The following RFTN1 variants were observed in gnomAD, a reference collection of about 807,000 sequenced individuals.
The protein encoded by RFTN1 is raftlin.
A neutral mutation model predicts 46.5 loss-of-function variants in RFTN1; 26 were observed. The ratio of observed to expected loss-of-function variants is 0.56; its 90% confidence interval spans 0.41 to 0.78. The LOEUF (loss-of-function observed/expected upper bound fraction) is 0.78. RFTN1 is among the 30% of genes least tolerant of loss of function. The probability of loss-of-function intolerance (pLI) is 0.00; values close to 1 mark genes in which losing one functional copy is unlikely to be tolerated. For missense variants in RFTN1, 693 were observed against 718.7 expected, an observed-to-expected ratio of 0.96 and a Z score of 0.41; for synonymous variants, 261 against 284.2, an observed-to-expected ratio of 0.92 and a Z score of 0.82.
chr3:16,462,876 C>T (rs1291035983), intron 2 of RFTN1, among the ~76,000 whole-genome samples: 1 of 152,092 alleles, frequency 6.6e-6, no homozygotes, highest in Non-Finnish European at 1.5e-5. Context: ...GATAAAGGTG[C>T]CTAAAAAACG....
chr3:16,378,216 G>A (rs1416903915), intron 4 of RFTN1, 114 bp from the exon 5 acceptor site: 9 of 837,280 alleles, frequency 1.1e-5, no homozygotes, highest in African/African-American at 1.0e-4. Flanking sequence ...AGGTGCAGGA[G>A]AAGAATTCCA....
chr3:16,333,651 A>AT (rs1280552399), intron 7 of RFTN1, among the ~76,000 whole-genome samples: 28 of 152,212 alleles, frequency 1.8e-4, no homozygotes, highest in African/African-American at 6.3e-4. Context: ...AAAATGACAA[A>AT]TTTGATTACA....
In RFTN1 at chr3:16,337,777, T is replaced by C. The variant is rs1279861387; in HGVS notation, c.1147-10901A>G. ...AAAAAAGAAAAGAAAGTCACCTCAT[T>C]TGATTTGAGAGAAATACAATGATAT... is the stretch of plus-strand genomic sequence containing the variant. On this transcript the variant is annotated intron_variant, in intron 7 of 9. Coordinates refer to ENST00000334133, the MANE Select transcript of RFTN1 (RefSeq NM_015150.2). The surrounding 1 kb of genome is among the most constrained non-coding windows in gnomAD (Gnocchi z 5.0). Among the ~76,000 whole-genome samples the C allele has an allele frequency of 6.6e-6, 1 of 151,932 alleles. No homozygotes were observed. Among genetic ancestry groups the C allele is most frequent in the Non-Finnish European group, 1.5e-5 (1 of 67,976 alleles).
At chr3:16,411,888 T>C (rs1394116232) in intron 3 of RFTN1, among the ~76,000 whole-genome samples, 1 of 152,228 alleles carries the variant, frequency 6.6e-6, no homozygotes, top group Non-Finnish European at 1.5e-5. Context: ...GCTGTATCCA[T>C]TAAGTACAAC....
At position 16,448,272 on chromosome 3, in the gene RFTN1, T is replaced by C. The variant is rs1366662090; in HGVS notation, c.146-14235A>G. Reference sequence around the variant, plus strand: ...ATGTGGTTACTAGAAAATTTTTCAATGGCATTCACAAGTCATATTGTATTT... The same window carrying C: ...ATGTGGTTACTAGAAAATTTTTCAACGGCATTCACAAGTCATATTGTATTT... On this transcript the variant is annotated intron_variant, in intron 2 of 9. Coordinates refer to ENST00000334133, the MANE Select transcript of RFTN1 (RefSeq NM_015150.2). This position sits in a 1 kb window ranked among gnomAD's most constrained non-coding sequence, Gnocchi z 4.1. Among the ~76,000 whole-genome samples, 2 of 152,224 alleles carry C rather than the reference T, an allele frequency of 1.3e-5. No individual in the cohort carries two copies. Among genetic ancestry groups the C allele is most frequent in the African/African-American group, 4.8e-5 (2 of 41,448 alleles).
At chr3:16,471,763 C>A (rs866129158) in intron 2 of RFTN1, among the ~76,000 whole-genome samples, 20 of 152,054 alleles carry the variant, frequency 1.3e-4, no homozygotes, top group African/African-American at 4.3e-4. Flanking sequence ...CAAGTTTGAT[C>A]AAAAAATTAT....
At chr3:16,467,081 C>T (rs1015137874) in intron 2 of RFTN1, among the ~76,000 whole-genome samples, 2 of 151,904 alleles carry the variant, frequency 1.3e-5, no homozygotes, top group African/African-American at 2.4e-5. Context: ...GTGAGAGATA[C>T]ACAAAACAAA....
chr3:16,323,121 G>A (rs2069267070), intron 9 of RFTN1, among the ~76,000 whole-genome samples: 1 of 152,276 alleles, frequency 6.6e-6, no homozygotes, highest in East Asian at 1.9e-4. Flanking sequence ...GCAGGCTGAA[G>A]CCTCCAGAAG....
chr3:16,415,204 G>A (rs1234433494), intron 3 of RFTN1, among the ~76,000 whole-genome samples: 1 of 151,830 alleles, frequency 6.6e-6, no homozygotes, highest in African/African-American at 2.4e-5. Context: ...CAGGTTGTGG[G>A]GTGTGGAAGG....
At chr3:16,454,678 A>G in intron 2 of RFTN1, 1 of 748,734 alleles carries the variant, frequency 1.3e-6, no homozygotes. Context: ...AACTGCTTAG[A>G]GAATTCCTAC....
intron 1 of RFTN1, among the ~76,000 whole-genome samples, chr3:16,510,817 T>A (rs1428379474): frequency 6.6e-6 from 1 of 152,310 alleles, no homozygotes; most frequent in Admixed American, 6.5e-5. Flanking sequence ...CAGAGACTTG[T>A]ACACAAATGT....
chr3:16,412,735 G>A (rs1417427828), intron 3 of RFTN1, among the ~76,000 whole-genome samples: 1 of 152,252 alleles, frequency 6.6e-6, no homozygotes, highest in African/African-American at 2.4e-5. Flanking sequence ...ATGGCATTAT[G>A]TTATATGACT....
chr3:16,453,815 A>T (rs1160426156), intron 2 of RFTN1, among the ~76,000 whole-genome samples: 1 of 152,272 alleles, frequency 6.6e-6, no homozygotes. Flanking sequence ...TGAAGCAAAT[A>T]TTTAAAGCAA....
At chr3:16,508,762 A>G (rs1295603095) in intron 1 of RFTN1, among the ~76,000 whole-genome samples, 1 of 152,140 alleles carries the variant, frequency 6.6e-6, no homozygotes, top group Non-Finnish European at 1.5e-5. Flanking sequence ...ATCTGGCTAA[A>G]TGTATCCCTT....
chr3:16,360,361 G>A (rs754600219), intron 6 of RFTN1, among the ~76,000 whole-genome samples: 3 of 152,096 alleles, frequency 2.0e-5, no homozygotes, highest in East Asian at 1.9e-4. Flanking sequence ...GTAGAGATGC[G>A]GTCTCACTAT....
chr3:16,458,039 G>C lies in RFTN1; in HGVS notation c.146-24002C>G, dbSNP rs1005815308. Among the ~76,000 whole-genome samples the C allele has an allele frequency of 2.0e-5, 3 of 152,092 alleles. No homozygotes were observed. Among genetic ancestry groups the C allele is most frequent in the Non-Finnish European group, 4.4e-5 (3 of 68,020 alleles). On this transcript the variant is annotated intron_variant, in intron 2 of 9. Coordinates refer to ENST00000334133, the MANE Select transcript of RFTN1 (RefSeq NM_015150.2). This position sits in a 1 kb window ranked among gnomAD's most constrained non-coding sequence, Gnocchi z 5.1. ...TGGAAGTGGAGATCAGCCCTCACCAGACACCAAACCTGCCAGCAAGTTGAT... is the reference window on the plus strand; with the variant it reads ...TGGAAGTGGAGATCAGCCCTCACCACACACCAAACCTGCCAGCAAGTTGAT...
In RFTN1 at chr3:16,344,120, T is replaced by A. The variant is rs903270739; in HGVS notation, c.1146+13812A>T. Among the ~76,000 whole-genome samples, 2 of 152,224 alleles carry A rather than the reference T, an allele frequency of 1.3e-5. No homozygotes were observed. Among genetic ancestry groups the A allele is most frequent in the African/African-American group, 4.8e-5 (2 of 41,464 alleles). ...TGTATTAACTCTTTTTCATTGGAAT[T>A]GCTGTCAAATCAGGTATGCTTCATT... On this transcript the variant is annotated intron_variant, in intron 7 of 9. Coordinates refer to ENST00000334133, the MANE Select transcript of RFTN1 (RefSeq NM_015150.2). This position sits in a 1 kb window ranked among gnomAD's most constrained non-coding sequence, Gnocchi z 4.4.
chr3:16,405,445 A>T (rs963530032), intron 4 of RFTN1, among the ~76,000 whole-genome samples: 4 of 152,204 alleles, frequency 2.6e-5, no homozygotes, highest in Non-Finnish European at 5.9e-5. Context: ...AGTAAGGTAG[A>T]TTTCATTTGA....
In RFTN1 at chr3:16,335,899, CGCA is replaced by C. The variant is rs1419055624; in HGVS notation, c.1147-9026_1147-9024del. On this transcript the variant is annotated intron_variant, in intron 7 of 9. Transcript: ENST00000334133. This position sits in a 1 kb window ranked among gnomAD's most constrained non-coding sequence, Gnocchi z 4.7. The stretch of plus-strand genomic sequence containing the variant: ...TCTCAGGAGGCCACAGGCAGGACTC[CGCA>C]GGAGGGAAGTGGCCGACAGCAAGGA... Among the ~76,000 whole-genome samples, 1 of 152,168 alleles carries C rather than the reference CGCA, an allele frequency of 6.6e-6. No individual in the cohort carries two copies. Among genetic ancestry groups the C allele is most frequent in the Non-Finnish European group, 1.5e-5 (1 of 68,028 alleles).
Sources: allele counts gnomAD v4.1 joint callset (sites outside exome capture counted in the v4.1 genomes callset), GRCh38; gene constraint gnomAD v4.1.1; non-coding constraint Gnocchi (gnomAD v3.1); transcripts MANE v1.5; gene names NCBI Gene and HGNC (gene_info 2026-07-23, HGNC 2026-07-21).